Variants in SNX25 observed in about 807,000 individuals in gnomAD.
SNX25 encodes the protein sorting nexin-25.
In SNX25, 62 loss-of-function variants were observed where a neutral mutation model predicts 113.7. The observed-to-expected ratio is 0.55, with a 90% CI of 0.44 to 0.67. The LOEUF is 0.67. SNX25 is among the 30% of genes least tolerant of loss of function. The pLI is 0.00. For synonymous variants in SNX25, 421 were observed against 436.2 expected (o/e 0.97, Z 0.43); for missense variants, 1,014 against 1,161.0 (o/e 0.87, Z 1.84).
Position 185,209,631 on chromosome 4 carries a change from C to A in SNX25, c.-196C>A. 4 of 621,542 alleles carry A rather than the reference C, an allele frequency of 6.4e-6. No homozygotes were observed. Among genetic ancestry groups the A allele is most frequent in the Non-Finnish European group, 8.0e-6 (4 of 497,322 alleles). 38.5% of individuals were successfully genotyped at this position (621,542 alleles called of 1,614,324 possible). On this transcript the variant is annotated 5_prime_UTR_variant, in exon 1 of 19. Transcript: ENST00000652585. The surrounding 1 kb of genome is among the most constrained non-coding windows in gnomAD (Gnocchi z 5.2). ...CACGGTGGGGCTCCCTGGCTGCGCC[C>A]GGCCCGGCAGCTACGGGCCCAGCGC...
At chr4:185,272,708 G>C (rs78488861) in intron 5 of SNX25, among the ~76,000 whole-genome samples, 1 of 152,130 alleles carries the variant, frequency 6.6e-6, no homozygotes, top group Non-Finnish European at 1.5e-5. Context: ...TAGACATCCT[G>C]TTGTATAATT....
downstream of SNX25, chr4:185,374,487 A>T (rs764833601): frequency 1.2e-6 from 2 of 1,602,866 alleles, no homozygotes; most frequent in Non-Finnish European, 1.7e-6. Context: ...GAGCAAAAAA[A>T]CCCTAGTTTT....
At chr4:185,287,204 G>A (rs1751460774) in intron 5 of SNX25, among the ~76,000 whole-genome samples, 1 of 152,186 alleles carries the variant, frequency 6.6e-6, no homozygotes, top group Admixed American at 6.5e-5. Flanking sequence ...GTTGTACTCA[G>A]CACTTAAAAT....
chr4:185,374,489 C>G (rs758673486), downstream of SNX25: 1 of 1,602,724 alleles, frequency 6.2e-7, no homozygotes, highest in Non-Finnish European at 8.5e-7. Flanking sequence ...GCAAAAAAAC[C>G]CTAGTTTTTA....
chr4:185,236,369 G>GA (rs34417344), intron 1 of SNX25, among the ~76,000 whole-genome samples: 57,384 of 151,610 alleles, frequency 0.38, 13,137 homozygotes, highest in East Asian at 0.59. Flanking sequence ...CCTGACTGAA[G>GA]AAAAAAAAGA....
At chr4:185,338,912 A>G (rs1440807995) in intron 10 of SNX25, among the ~76,000 whole-genome samples, 1 of 152,146 alleles carries the variant, frequency 6.6e-6, no homozygotes, top group Non-Finnish European at 1.5e-5. Flanking sequence ...GAGTCCTCCA[A>G]CTTCGTTCTC....
Position 185,214,704 on chromosome 4 carries a change from T to C in SNX25, c.429+4449T>C, listed in dbSNP as rs80017503. On this transcript the variant is annotated intron_variant, in intron 1 of 18. Coordinates refer to ENST00000652585, the MANE Select transcript of SNX25 (RefSeq NM_001378034.2). ...AAGTAGTTTAACAAGTTCATCAAATTGGATTAATAAGCATTTACTGAATGT... is the reference window on the plus strand; with the variant it reads ...AAGTAGTTTAACAAGTTCATCAAATCGGATTAATAAGCATTTACTGAATGT... Among the ~76,000 whole-genome samples the C allele has an allele frequency of 5.9e-3, 902 of 152,322 alleles. 23 individuals are homozygous for C. The highest frequency in any genetic ancestry group is 0.057 in the South Asian group (275 of 4,826).
intron 6 of SNX25, among the ~76,000 whole-genome samples, chr4:185,295,019 AC>A (rs950140744): frequency 6.6e-6 from 1 of 152,164 alleles, no homozygotes; most frequent in Non-Finnish European, 1.5e-5. Flanking sequence ...CATTAAAAAT[AC>A]CTATGTCATT....
downstream of SNX25, chr4:185,373,152 A>G (rs2095421637): frequency 2.2e-6 from 3 of 1,355,478 alleles, no homozygotes; most frequent in Non-Finnish European, 3.1e-6. Context: ...CTAGACAGAA[A>G]AGAACTCTGT....
intron 6 of SNX25, among the ~76,000 whole-genome samples, chr4:185,291,709 C>T (rs905041005): frequency 6.6e-6 from 1 of 152,148 alleles, no homozygotes; most frequent in African/African-American, 2.4e-5. Flanking sequence ...CCAATCCCTG[C>T]CTCAGTTGTC....
intron 2 of SNX25, among the ~76,000 whole-genome samples, chr4:185,251,432 C>G (rs1449567669): frequency 1.3e-5 from 2 of 152,132 alleles, no homozygotes; most frequent in African/African-American, 2.4e-5. Flanking sequence ...AACCACTGTT[C>G]TACTTTTTGT....
At chr4:185,223,408 T>C (rs1343075759) in intron 1 of SNX25, among the ~76,000 whole-genome samples, 1 of 152,202 alleles carries the variant, frequency 6.6e-6, no homozygotes, top group Non-Finnish European at 1.5e-5. Context: ...AACATGCTCC[T>C]CTGTGTGCTC....
chr4:185,219,567 C>CA (rs1560898056), intron 1 of SNX25, among the ~76,000 whole-genome samples: 1 of 151,460 alleles, frequency 6.6e-6, no homozygotes, highest in South Asian at 2.1e-4. Flanking sequence ...CTCAAAAAAA[C>CA]AAAAAAAGAA....
chr4:185,336,552 T>C (rs574117253), intron 10 of SNX25, among the ~76,000 whole-genome samples: 1 of 152,366 alleles, frequency 6.6e-6, no homozygotes, highest in African/African-American at 2.4e-5. Flanking sequence ...GACTACATTT[T>C]CCACTTGTTG....
chr4:185,234,681 C>CAAAAAAA (rs369613640), intron 1 of SNX25, among the ~76,000 whole-genome samples: 1 of 16,174 alleles, frequency 6.2e-5, no homozygotes, highest in African/African-American at 2.1e-4. Context: ...GACTCTGTCT[C>CAAAAAAA]AAAAAAAAAA....
chr4:185,351,698 A>G, intron 14 of SNX25, 89 bp downstream of exon 14: 1 of 1,338,288 alleles, frequency 7.5e-7, no homozygotes. Flanking sequence ...AAATCCCTCT[A>G]TTTTCAGTCA....
At chr4:185,231,444 T>A (rs1317065779) in intron 1 of SNX25, among the ~76,000 whole-genome samples, 1 of 150,270 alleles carries the variant, frequency 6.7e-6, no homozygotes, top group Non-Finnish European at 1.5e-5. Context: ...ACGCGGTGGC[T>A]CACACCTGTA....
Position 185,363,454 on chromosome 4 carries a change from G to A in SNX25, c.3004G>A (p.Gly1002Ser), listed in dbSNP as rs1258012110. 6.2e-7 allele frequency: 1 copy of A among 1,613,906 alleles called. No individual in the cohort carries two copies. The highest frequency in any genetic ancestry group is 8.5e-7 in the Non-Finnish European group (1 of 1,179,904). The change falls in exon 19 of 19, where the codon GGC becomes AGC. Residue 1002 changes from glycine to serine, a missense_variant. Transcript: ENST00000652585. The surrounding 1 kb of genome is among the most constrained non-coding windows in gnomAD (Gnocchi z 4.2). ...LRVHLDQLKA[G>S]QV ...AGTTCATTTAGATCAACTTAAAGCT[G>A]GCCAAGTTTGAGACTACACAAATAA...
At chr4:185,241,013 G>C (rs1291161011) in intron 1 of SNX25, among the ~76,000 whole-genome samples, 1 of 143,000 alleles carries the variant, frequency 7.0e-6, no homozygotes, top group Admixed American at 7.0e-5. Context: ...CAGGCAGAGA[G>C]GCTCCTCACA....
Sources: allele counts gnomAD v4.1 joint callset (sites outside exome capture counted in the v4.1 genomes callset), GRCh38; gene constraint gnomAD v4.1.1; non-coding constraint Gnocchi (gnomAD v3.1); transcripts MANE v1.5; gene names NCBI Gene and HGNC (gene_info 2026-07-23, HGNC 2026-07-21).